Variants in ZBTB20 observed in about 807,000 individuals in gnomAD.
The protein encoded by ZBTB20 is zinc finger and BTB domain containing 20, also known as zinc finger and BTB domain-containing protein 20.
Under a neutral mutation model 56.9 loss-of-function variants are expected in ZBTB20, and 9 were observed. That is an observed-to-expected ratio of 0.16 (90% CI 0.10 to 0.28). ZBTB20 has a LOEUF of 0.28. Among genes scored for constraint, ZBTB20 ranks in the 10% least tolerant of loss-of-function variants. The pLI is 1.00. For synonymous variants in ZBTB20, 417 were observed against 420.7 expected (o/e 0.99, Z 0.11); for missense variants, 655 against 1,003.0 (o/e 0.65, Z 4.69).
intron 6 of ZBTB20, chr3:114,528,892 A>C (rs1338219361): frequency 6.6e-6 from 1 of 152,154 alleles, no homozygotes; most frequent in Non-Finnish European, 1.5e-5. Flanking sequence ...CTGATGTTGA[A>C]AGCTAACATG....
intron 2 of ZBTB20, among the ~76,000 whole-genome samples, chr3:115,024,983 G>A (rs1422370080): frequency 2.6e-5 from 4 of 151,072 alleles, no homozygotes; most frequent in African/African-American, 9.7e-5. Context: ...ACAAGTACAT[G>A]TTTGTTACAT....
chr3:114,744,023 C>T (rs1019573753), intron 5 of ZBTB20, among the ~76,000 whole-genome samples: 2 of 152,070 alleles, frequency 1.3e-5, no homozygotes, highest in Non-Finnish European at 2.9e-5. Flanking sequence ...GAAGGAAACC[C>T]CAGTGTGAAC....
At chr3:114,641,738 G>GA (rs1436782848) in intron 6 of ZBTB20, among the ~76,000 whole-genome samples, 3 of 151,032 alleles carry the variant, frequency 2.0e-5, no homozygotes, top group Middle Eastern at 3.4e-3. Context: ...AATTTGACTA[G>GA]AAAAAAAATG....
chr3:115,025,841 TAAAG>T, intron 2 of ZBTB20, among the ~76,000 whole-genome samples: 2 of 149,502 alleles, frequency 1.3e-5, no homozygotes, highest in African/African-American at 4.9e-5. Context: ...TCTGCATAAA[TAAAG>T]GAGTTTCTCT....
At chr3:114,982,463 T>C (rs2108094881) in intron 2 of ZBTB20, among the ~76,000 whole-genome samples, 1 of 152,172 alleles carries the variant, frequency 6.6e-6, no homozygotes, top group Non-Finnish European at 1.5e-5. Flanking sequence ...TTGCTTTTAG[T>C]GTACCAATCT....
chr3:114,756,242 C>T (rs1435970245), intron 5 of ZBTB20, among the ~76,000 whole-genome samples: 3 of 151,958 alleles, frequency 2.0e-5, no homozygotes, highest in Non-Finnish European at 4.4e-5. Flanking sequence ...AAAAACTAAC[C>T]ACCTAAAATA....
chr3:114,913,379 C>T (rs946062438), intron 3 of ZBTB20, among the ~76,000 whole-genome samples: 1 of 152,012 alleles, frequency 6.6e-6, no homozygotes, highest in African/African-American at 2.4e-5. Context: ...ATTTGTATGT[C>T]TTCTTGTGAG....
At chr3:114,847,882 A>C (rs1315044847) in intron 4 of ZBTB20, among the ~76,000 whole-genome samples, 1 of 152,174 alleles carries the variant, frequency 6.6e-6, no homozygotes, top group African/African-American at 2.4e-5. Context: ...TATCAATGTG[A>C]ATTAACTATA....
In ZBTB20 at chr3:114,398,519, T is replaced by A. The variant is rs529646667; in HGVS notation, c.-254-9414A>T. Among the ~76,000 whole-genome samples, 161 of 152,208 alleles carry A rather than the reference T, an allele frequency of 1.1e-3. 1 individual carries two copies. The highest frequency in any genetic ancestry group is 3.9e-3 in the African/African-American group (160 of 41,532). On this transcript the variant is annotated intron_variant, in intron 7 of 11. Transcript: ENST00000675478. ...TGCCCTGAAAATGATACCATGTGTG[T>A]CTAAGGATGTGGATAAAGGCTAGAT...
At chr3:114,759,271 T>C (rs1381649237) in intron 5 of ZBTB20, 1 of 152,092 alleles carries the variant, frequency 6.6e-6, no homozygotes, top group Non-Finnish European at 1.5e-5. Context: ...GGAGGCTAGA[T>C]TGCTATGATT....
intron 4 of ZBTB20, among the ~76,000 whole-genome samples, chr3:114,865,381 C>T (rs898169875): frequency 2.6e-5 from 4 of 152,126 alleles, no homozygotes; most frequent in Non-Finnish European, 2.9e-5. Context: ...TGAAATTCTG[C>T]GTCTTCTTGT....
intron 2 of ZBTB20, among the ~76,000 whole-genome samples, chr3:114,999,697 C>A (rs1289046136): frequency 6.6e-6 from 1 of 151,536 alleles, no homozygotes; most frequent in Non-Finnish European, 1.5e-5. Flanking sequence ...TGTTCTCTTT[C>A]CCATAAAGAA....
At position 114,568,537 on chromosome 3, in the gene ZBTB20, C is replaced by A. The variant is rs191233898; in HGVS notation, c.-294-68146G>T. Among the ~76,000 whole-genome samples the A allele has an allele frequency of 2.3e-3, 355 of 152,274 alleles. 1 individual carries two copies. Among genetic ancestry groups the A allele is most frequent in the Non-Finnish European group, 3.7e-3 (254 of 68,022 alleles). On this transcript the variant is annotated intron_variant, in intron 6 of 11. Transcript: ENST00000675478. ...AGTCTCAGCCACATATTCAATGGAG[C>A]ATGGGAAAACCATTTATAAAAATTC...
At chr3:114,670,583 G>A (rs531890897) in intron 6 of ZBTB20, among the ~76,000 whole-genome samples, 28 of 151,982 alleles carry the variant, frequency 1.8e-4, no homozygotes, top group Non-Finnish European at 3.2e-4. Flanking sequence ...CCTACCAAGA[G>A]ACCACCACTA....
chr3:114,488,787 G>A (rs569179632), intron 7 of ZBTB20, among the ~76,000 whole-genome samples: 2 of 152,308 alleles, frequency 1.3e-5, no homozygotes, highest in East Asian at 3.9e-4. Flanking sequence ...TTGTGGCATT[G>A]TTTAGTAAGA....
rs1056585267 is a variant in ZBTB20 at position 114,940,876 on chromosome 3, C to T, written c.-456+33490G>A. On this transcript the variant is annotated intron_variant, in intron 3 of 11. Coordinates refer to ENST00000675478, the MANE Select transcript of ZBTB20 (RefSeq NM_001348800.3). ...AATGCATTCAGGGACCTTAGGTTGC[C>T]TATTCTTAATAAGATGGAATCCTTT... is the stretch of plus-strand genomic sequence containing the variant. 1.5e-4 allele frequency among the ~76,000 whole-genome samples: 22 copies of T among 145,948 alleles called. 4 individuals carry two copies. Among genetic ancestry groups the T allele is most frequent in the African/African-American group, 5.6e-4 (20 of 35,774 alleles).
intron 4 of ZBTB20, among the ~76,000 whole-genome samples, chr3:114,839,461 AAGAAAGAG>A (rs2074280829): frequency 6.6e-6 from 1 of 150,850 alleles, no homozygotes; most frequent in Non-Finnish European, 1.5e-5. Context: ...GAAAGAAAGA[AAGAAAGAG>A]AGAGAGAAAG....
intron 2 of ZBTB20, among the ~76,000 whole-genome samples, chr3:115,070,287 C>T (rs1253772043): frequency 8.6e-5 from 13 of 150,820 alleles, no homozygotes; most frequent in South Asian, 8.6e-4. Context: ...CTTTCCAAAG[C>T]ACCAACTTAA....
intron 7 of ZBTB20, among the ~76,000 whole-genome samples, chr3:114,486,763 C>T (rs932931119): frequency 2.0e-5 from 3 of 152,106 alleles, no homozygotes; most frequent in Admixed American, 6.6e-5. Context: ...AATTATTCTT[C>T]ATGTATCAAA....
Sources: gnomAD v4.1 joint callset for allele counts (sites outside exome capture counted in the v4.1 genomes callset) on GRCh38, gnomAD v4.1.1 for gene constraint, MANE v1.5 for transcripts, NCBI Gene and HGNC (gene_info 2026-07-23, HGNC 2026-07-21) for gene names.